The following GAD2 variants were observed in gnomAD, a reference collection of about 807,000 sequenced individuals.
The protein encoded by GAD2 is 65 kDa glutamic acid decarboxylase.
GAD2 carries 22 observed loss-of-function variants against 80.1 expected under a neutral mutation model. The observed-to-expected ratio is 0.27, with a 90% CI of 0.20 to 0.39. GAD2 has a LOEUF of 0.39. GAD2 is among the 10% of genes least tolerant of loss of function. The probability of loss-of-function intolerance (pLI) is 1.00; values close to 1 mark genes in which losing one functional copy is unlikely to be tolerated. For synonymous variants in GAD2, 274 were observed against 256.9 expected, an observed-to-expected ratio of 1.07 and a Z score of -0.64; for missense variants, 624 against 738.4, an observed-to-expected ratio of 0.85 and a Z score of 1.80.
At chr10:26,218,092 C>G (rs1844404087) in intron 3 of GAD2, 101 bp downstream of exon 3, 1 of 1,278,380 alleles carries the variant, frequency 7.8e-7, no homozygotes, top group South Asian at 1.5e-5. Flanking sequence ...ACAGGGGCGT[C>G]GAGGTGGCAG....
intron 13 of GAD2, among the ~76,000 whole-genome samples, chr10:26,289,623 C>G (rs1834190835): frequency 2.0e-5 from 3 of 151,724 alleles, no homozygotes; most frequent in Admixed American, 2.0e-4. Context: ...GGCCCAGTGC[C>G]TACCGTTGAC....
intron 8 of GAD2, among the ~76,000 whole-genome samples, chr10:26,253,726 G>A (rs1844909497): frequency 6.6e-6 from 1 of 152,216 alleles, no homozygotes; most frequent in African/African-American, 2.4e-5. Context: ...ATGAGCACAG[G>A]AAGGGAAGCA....
chr10:26,218,488 C>A (rs1397246125), intron 3 of GAD2, among the ~76,000 whole-genome samples: 2 of 152,006 alleles, frequency 1.3e-5, no homozygotes, highest in Non-Finnish European at 2.9e-5. Flanking sequence ...TACACACCGT[C>A]TCCCAAATGT....
At chr10:26,220,560 G>A (rs1197596708) in intron 4 of GAD2, among the ~76,000 whole-genome samples, 2 of 152,068 alleles carry the variant, frequency 1.3e-5, no homozygotes, top group Non-Finnish European at 2.9e-5. Context: ...CTCAATTAAC[G>A]TTCATGAAGA....
intron 8 of GAD2, 90 bp from the exon 9 acceptor site, chr10:26,269,029 G>T: frequency 1.2e-6 from 1 of 838,518 alleles, no homozygotes; most frequent in South Asian, 1.8e-5. Context: ...AACAGTTTGG[G>T]GTTGGACTTT....
intron 4 of GAD2, among the ~76,000 whole-genome samples, chr10:26,222,212 A>G (rs1010076939): frequency 2.6e-5 from 4 of 152,154 alleles, no homozygotes; most frequent in African/African-American, 9.7e-5. Flanking sequence ...GTTTACGGAA[A>G]GTTATCATCA....
In GAD2 at chr10:26,269,149, A is replaced by G; in HGVS notation, c.951A>G (p.Arg317=). Residue 317 remains arginine, a synonymous_variant, in exon 9 of 16, where the codon AGA becomes AGG. Coordinates refer to ENST00000376261, the MANE Select transcript of GAD2 (RefSeq NM_001134366.2). ...AAATGATTCCATCTGATCTTGAAAG[A>G]AGGATTCTTGAAGCCAAACAGAAAG... ...RGKMIPSDLE[R]RILEAKQKGF... is the part of the protein sequence containing the mutation. 6.2e-7 allele frequency: 1 copy of G among 1,600,690 alleles called. No homozygotes were observed.
rs574637802 is a variant in GAD2, at chr10:26,217,351, G to A, written c.77-259G>A. Reference sequence around the variant, plus strand: ...TAGGCAGGGAGAGGAATTTGCCTGAGCCGATTGGCACCTGGAAGGGCAGCG... The same window carrying A: ...TAGGCAGGGAGAGGAATTTGCCTGAACCGATTGGCACCTGGAAGGGCAGCG... On this transcript the variant is annotated intron_variant, in intron 1 of 15. Coordinates refer to ENST00000376261, the MANE Select transcript of GAD2 (RefSeq NM_001134366.2). This position sits in a 1 kb window ranked among gnomAD's most constrained non-coding sequence, Gnocchi z 4.9. Among the ~76,000 whole-genome samples, 3 of 152,340 alleles carry A rather than the reference G, an allele frequency of 2.0e-5. No homozygotes were observed. The highest frequency in any genetic ancestry group is 6.5e-5 in the Admixed American group (1 of 15,308).
At chr10:26,292,699 G>A in intron 14 of GAD2, 127 bp downstream of exon 14, 2 of 859,780 alleles carry the variant, frequency 2.3e-6, no homozygotes, top group African/African-American at 1.7e-5. Flanking sequence ...GGATGACGGG[G>A]TAGCTATTCC....
intron 8 of GAD2, among the ~76,000 whole-genome samples, chr10:26,252,117 A>C (rs1242119426): frequency 6.6e-6 from 1 of 152,194 alleles, no homozygotes; most frequent in African/African-American, 2.4e-5. Context: ...CAGCCTTCCC[A>C]AAACACAAGC....
In GAD2 at chr10:26,288,985, C is replaced by A. The variant is rs1029841940; in HGVS notation, c.1386+2491C>A. On this transcript the variant is annotated intron_variant, in intron 13 of 15. Transcript: ENST00000376261. ...AGAGCAAATCACAGCCACTGTGTTA[C>A]TTATTCTTTTACTTACTTGTGGAAA... 2.2e-4 allele frequency among the ~76,000 whole-genome samples: 33 copies of A among 152,174 alleles called. 1 individual carries two copies. Among genetic ancestry groups the A allele is most frequent in the African/African-American group, 8.0e-4 (33 of 41,444 alleles).
chr10:26,247,921 A>G (rs1029201384), intron 8 of GAD2, among the ~76,000 whole-genome samples: 2 of 141,306 alleles, frequency 1.4e-5, no homozygotes, highest in African/African-American at 6.1e-5. Flanking sequence ...AAGGAAAAGA[A>G]AAAAAAAAAA....
chr10:26,233,340 T>C (rs1292884047), intron 7 of GAD2, among the ~76,000 whole-genome samples: 6 of 152,228 alleles, frequency 3.9e-5, no homozygotes, highest in Admixed American at 1.3e-4. Flanking sequence ...GCTGTTTTCT[T>C]AATGTGAAAC....
At chr10:26,231,755 C>T (rs1028907533) in intron 7 of GAD2, among the ~76,000 whole-genome samples, 2 of 152,150 alleles carry the variant, frequency 1.3e-5, no homozygotes, top group Non-Finnish European at 2.9e-5. Flanking sequence ...CTGGAAGATT[C>T]CGTTTCCTTG....
At position 26,283,853 on chromosome 10, in the gene GAD2, C is replaced by A. The variant is rs79482894; in HGVS notation, c.1237-2492C>A. 3.4e-3 allele frequency among the ~76,000 whole-genome samples: 524 copies of A among 152,264 alleles called. 1 individual carries two copies. Among genetic ancestry groups the A allele is most frequent in the Non-Finnish European group, 6.1e-3 (412 of 68,038 alleles). On this transcript the variant is annotated intron_variant, in intron 12 of 15. Coordinates refer to ENST00000376261, the MANE Select transcript of GAD2 (RefSeq NM_001134366.2). ...TGATTAGATGACTGCATCAGAAGGA[C>A]CTACCGACTGGCAATTTGATGTTAC... is the stretch of plus-strand genomic sequence containing the variant.
Position 26,217,912 on chromosome 10 carries a change from G to C in GAD2, c.207G>C (p.Arg69=). ...GCCAACCCCCGCGGGCCGCCGCCCG[G>C]AAGGCCGCCTGCGCCTGCGACCAGA... The part of the protein sequence containing the change: ...GGSQPPRAAA[R]KAACACDQKP... Residue 69 remains arginine (R), a synonymous_variant, in exon 3 of 16, where the codon CGG becomes CGC. Coordinates refer to ENST00000376261, the MANE Select transcript of GAD2 (RefSeq NM_001134366.2). The surrounding 1 kb of genome is among the most constrained non-coding windows in gnomAD (Gnocchi z 4.9). 6.2e-7 allele frequency: 1 copy of C among 1,610,970 alleles called. No individual in the cohort carries two copies. The highest frequency in any genetic ancestry group is 8.5e-7 in the Non-Finnish European group (1 of 1,178,902).
intron 8 of GAD2, among the ~76,000 whole-genome samples, chr10:26,267,399 G>GA (rs1845084697): frequency 6.6e-6 from 1 of 152,252 alleles, no homozygotes; most frequent in Non-Finnish European, 1.5e-5. Flanking sequence ...TGATCAGGTT[G>GA]AAAATCACTG....
In GAD2 at chr10:26,216,852, G is replaced by A. The variant is rs532313935; in HGVS notation, c.43G>A (p.Asp15Asn). Reference sequence around the variant, plus strand: ...TGGCTTTTGGTCTTTCGGGTCGGAAGATGGCTCTGGGGATTCCGAGAATCC... The same window carrying A: ...TGGCTTTTGGTCTTTCGGGTCGGAAAATGGCTCTGGGGATTCCGAGAATCC... ...GSGFWSFGSEDGSGDSENPGT... is the reference protein window; with the variant it reads ...GSGFWSFGSENGSGDSENPGT... The change falls in exon 1 of 16, where the codon GAT becomes AAT. Residue 15 changes from aspartate (D) to asparagine (N), a missense_variant. Asp to Asn is a conservative substitution (Grantham distance 23, BLOSUM62 1). Coordinates refer to ENST00000376261, the MANE Select transcript of GAD2 (RefSeq NM_001134366.2). This position sits in a 1 kb window ranked among gnomAD's most constrained non-coding sequence, Gnocchi z 4.7. 1.9e-6 allele frequency: 3 copies of A among 1,612,652 alleles called. No homozygotes were observed. The highest frequency in any genetic ancestry group is 2.2e-5 in the South Asian group (2 of 90,848).
chr10:26,226,835 T>C (rs1844533604), intron 6 of GAD2, among the ~76,000 whole-genome samples: 1 of 152,178 alleles, frequency 6.6e-6, no homozygotes, highest in South Asian at 2.1e-4. Context: ...TCACCTACAC[T>C]GGGAACCAGA....
Sources: allele counts gnomAD v4.1 joint callset (sites outside exome capture counted in the v4.1 genomes callset), GRCh38; gene constraint gnomAD v4.1.1; non-coding constraint Gnocchi (gnomAD v3.1); transcripts MANE v1.5; gene names NCBI Gene and HGNC (gene_info 2026-07-23, HGNC 2026-07-21).